TTC23L: variants seen among roughly 807,000 people sequenced by gnomAD.
TTC23L encodes the protein tetratricopeptide repeat domain 23 like, also known as tetratricopeptide repeat protein 23-like.
TTC23L carries 42 observed loss-of-function variants against 48.1 expected under a neutral mutation model. The ratio of observed to expected loss-of-function variants is 0.87; its 90% CI spans 0.68 to 1.13. The LOEUF (loss-of-function observed/expected upper bound fraction) is 1.13, where lower values mean the gene tolerates loss of function less well. TTC23L is among the 50% of genes most tolerant of loss of function. TTC23L has a pLI of 0.00. For synonymous variants in TTC23L, 159 were observed against 157.2 expected (o/e 1.01, Z -0.09); for missense variants, 391 against 421.0 (o/e 0.93, Z 0.62).
Position 34,863,685 on chromosome 5 carries a change from T to A in TTC23L, c.536+631T>A, listed in dbSNP as rs115741373. On this transcript the variant is annotated intron_variant, in intron 5 of 10. Transcript: ENST00000505624. The surrounding 1 kb of genome is among the most constrained non-coding windows in gnomAD (Gnocchi z 4.1). ...GGCCAAGCAAAATAGACAAAACAAG[T>A]AGTTCTATAAATCCCCAGAGGGGTA... 6.7e-3 allele frequency among the ~76,000 whole-genome samples: 1,019 copies of A among 152,326 alleles called. 10 individuals are homozygous for A. Among genetic ancestry groups the A allele is most frequent in the African/African-American group, 0.024 (987 of 41,562 alleles).
At chr5:34,890,179 TCA>T (rs201321133) in intron 9 of TTC23L, among the ~76,000 whole-genome samples, 5,647 of 151,870 alleles carry the variant, frequency 0.037, 284 homozygotes, top group African/African-American at 0.12. Flanking sequence ...GCATGATGGC[TCA>T]CACCTGTAAT....
At chr5:34,921,316 T>C in the TTC23L span, 1 of 152,188 alleles carries the variant, frequency 6.6e-6, no homozygotes, top group Non-Finnish European at 1.5e-5. Context: ...ATAGGTTTGA[T>C]ATACTTAGGC....
At chr5:34,850,437 G>T (rs773997594) in intron 4 of TTC23L, 129 bp downstream of exon 4, 11 of 1,126,156 alleles carry the variant, frequency 9.8e-6, no homozygotes, top group African/African-American at 1.6e-5. Flanking sequence ...TTATCAGGAA[G>T]GAAAGTCCAT....
chr5:34,896,345 C>T (rs115401236), intron 9 of TTC23L, among the ~76,000 whole-genome samples: 1,636 of 152,256 alleles, frequency 0.011, 10 homozygotes, highest in African/African-American at 0.014. Flanking sequence ...TTAGTGTTGT[C>T]TGCCCTGGGG....
At chr5:34,839,500 G>A (rs936522992) in intron 1 of TTC23L, 5 of 360,890 alleles carry the variant, frequency 1.4e-5, no homozygotes, top group Non-Finnish European at 1.9e-5. Flanking sequence ...TCCTTGAGGG[G>A]CTCAGGGCCG....
the TTC23L span, among the ~76,000 whole-genome samples, chr5:34,910,354 T>G: frequency 6.6e-6 from 1 of 152,166 alleles, no homozygotes; most frequent in African/African-American, 2.4e-5. Flanking sequence ...ATTTCCATTT[T>G]GGTTAACTTT....
the TTC23L span, chr5:34,918,368 A>C: frequency 7.1e-7 from 1 of 1,407,364 alleles, no homozygotes; most frequent in African/African-American, 1.4e-5. Flanking sequence ...CTTTAGGGAA[A>C]GTGGAAAAAT....
the TTC23L span, chr5:34,908,646 T>A: frequency 1.1e-6 from 1 of 895,952 alleles, no homozygotes; most frequent in South Asian, 1.9e-5. Context: ...TGCTCCTATC[T>A]TCCCCATTGT....
chr5:34,910,008 C>A, the TTC23L span, among the ~76,000 whole-genome samples: 1 of 152,102 alleles, frequency 6.6e-6, no homozygotes, highest in Non-Finnish European at 1.5e-5. Context: ...TCTTTTCTTT[C>A]TTCTAATATA....
chr5:34,908,951 G>A, the TTC23L span: 2 of 1,597,410 alleles, frequency 1.3e-6, no homozygotes, highest in South Asian at 2.3e-5. Flanking sequence ...TCTTGTATCT[G>A]TAGAAGAAAA....
At chr5:34,868,817 G>C (rs767187482) in intron 7 of TTC23L, 88 bp from the exon 8 acceptor site, 5 of 1,094,118 alleles carry the variant, frequency 4.6e-6, no homozygotes, top group Non-Finnish European at 6.8e-6. Context: ...GGAAGTGGCA[G>C]AGCTGGGACT....
chr5:34,857,626 T>C (rs896764447), intron 4 of TTC23L, among the ~76,000 whole-genome samples: 2 of 152,198 alleles, frequency 1.3e-5, no homozygotes, highest in African/African-American at 4.8e-5. Context: ...AATTACTCAA[T>C]AAGAGAAATG....
chr5:34,859,334 G>A (rs1166622064), intron 4 of TTC23L, among the ~76,000 whole-genome samples: 2 of 152,128 alleles, frequency 1.3e-5, no homozygotes, highest in Non-Finnish European at 2.9e-5. Flanking sequence ...TCCAGTATCC[G>A]AAGCAGAGTT....
intron 8 of TTC23L, 190 bp downstream of exon 8, chr5:34,869,203 G>A: frequency 1.9e-6 from 1 of 513,238 alleles, no homozygotes. Flanking sequence ...TCGTTGGAAT[G>A]TCAGTAACAA....
rs1029354252 is a variant in TTC23L, at chr5:34,863,403, G to A, written c.536+349G>A. On this transcript the variant is annotated intron_variant, in intron 5 of 10. Coordinates refer to ENST00000505624, the Ensembl canonical transcript of TTC23L. This position sits in a 1 kb window ranked among gnomAD's most constrained non-coding sequence, Gnocchi z 4.1. ...GTGGTGGTGGTGGTGTAGTGATGGA[G>A]AGAATGGGTGATAATTTAAAGCACA... Among the ~76,000 whole-genome samples the A allele has an allele frequency of 6.6e-6, 1 of 152,120 alleles. No homozygotes were observed. The highest frequency in any genetic ancestry group is 1.5e-5 in the Non-Finnish European group (1 of 68,030).
the TTC23L span, chr5:34,905,836 A>T: frequency 1.3e-5 from 2 of 152,232 alleles, no homozygotes; most frequent in African/African-American, 4.8e-5. Flanking sequence ...TTAGAACACA[A>T]ATAAGGAGGA....
intron 7 of TTC23L, chr5:34,867,420 G>T: frequency 3.8e-6 from 1 of 260,056 alleles, no homozygotes; most frequent in Non-Finnish European, 7.4e-6. Context: ...AAAAACAAAA[G>T]GCCTTTTTAA....
chr5:34,915,593 C>G, the TTC23L span: 1 of 1,072,114 alleles, frequency 9.3e-7, no homozygotes, highest in Non-Finnish European at 1.3e-6. Flanking sequence ...CCGCGCGTGC[C>G]GCGCCACCGA....
intron 8 of TTC23L, among the ~76,000 whole-genome samples, chr5:34,873,019 C>T (rs1354976647): frequency 6.6e-6 from 1 of 151,436 alleles, no homozygotes; most frequent in Non-Finnish European, 1.5e-5. Context: ...GCCGAGATCG[C>T]GCCATTGCAC....
Sources: gnomAD v4.1 joint callset for allele counts (sites outside exome capture counted in the v4.1 genomes callset) on GRCh38, gnomAD v4.1.1 for gene constraint, Gnocchi (gnomAD v3.1) non-coding constraint, MANE v1.5 for transcripts, NCBI Gene and HGNC (gene_info 2026-07-23, HGNC 2026-07-21) for gene names.